MCPH1: variants seen among roughly 807,000 people sequenced by gnomAD.
MCPH1 encodes microcephalin 1, also known as microcephalin.
Under a neutral mutation model 84.5 loss-of-function variants are expected in MCPH1, and 104 were observed. The ratio of observed to expected loss-of-function variants is 1.23; its 90% CI spans 1.05 to 1.45. The LOEUF is 1.45. MCPH1 is among the 40% of genes most tolerant of loss of function. MCPH1 has a pLI of 0.00. For missense variants in MCPH1, 1,498 were observed against 1,005.7 expected (o/e 1.49, Z -6.62); for synonymous variants, 514 against 366.8 (o/e 1.40, Z -4.58).
chr8:6,640,729 TG>T (rs1438577751), intron 13 of MCPH1, among the ~76,000 whole-genome samples: 2 of 152,252 alleles, frequency 1.3e-5, no homozygotes, highest in Non-Finnish European at 2.9e-5. Context: ...CCTACCCTTG[TG>T]GTTTTGCTTA....
intron 12 of MCPH1, among the ~76,000 whole-genome samples, chr8:6,557,742 G>T (rs1337241570): frequency 6.6e-6 from 1 of 151,560 alleles, no homozygotes; most frequent in African/African-American, 2.4e-5. Context: ...GAGATAGAAT[G>T]GTTTGCCTGC....
At chr8:6,626,014 T>C (rs1376451256) in intron 13 of MCPH1, 1 of 985,254 alleles carries the variant, frequency 1.0e-6, no homozygotes, top group African/African-American at 1.7e-5. Flanking sequence ...GCTCTTCCCC[T>C]GGGACTGCAG....
intron 3 of MCPH1, among the ~76,000 whole-genome samples, chr8:6,430,494 CACTT>C (rs1390086360): frequency 6.6e-6 from 1 of 152,242 alleles, no homozygotes; most frequent in African/African-American, 2.4e-5. Flanking sequence ...ACCCTAGTGT[CACTT>C]ACCACATTGC....
intron 8 of MCPH1, chr8:6,447,504 A>G (rs1804572982): frequency 2.6e-6 from 2 of 758,688 alleles, no homozygotes; most frequent in African/African-American, 1.9e-5. Context: ...CAATACGCTG[A>G]TAGAACGGGA....
intron 12 of MCPH1, chr8:6,521,264 G>C: frequency 6.2e-7 from 1 of 1,613,880 alleles, no homozygotes; most frequent in Non-Finnish European, 8.5e-7. Context: ...ATTATTCACC[G>C]TGGCAGTCAC....
At chr8:6,418,413 G>C (rs1799626740) in intron 3 of MCPH1, among the ~76,000 whole-genome samples, 1 of 151,762 alleles carries the variant, frequency 6.6e-6, no homozygotes, top group Non-Finnish European at 1.5e-5. Context: ...TATTTTTCCT[G>C]TATTTCCAGG....
rs375073902 is a variant in MCPH1 at position 6,620,263 on chromosome 8, C to CCATGAG, written c.2215-1187_2215-1182dup. 203 of 152,304 alleles carry CCATGAG rather than the reference C, an allele frequency of 1.3e-3. 1 individual carries two copies. The highest frequency in any genetic ancestry group is 4.7e-3 in the African/African-American group (194 of 41,564). 9.4% of individuals were successfully genotyped at this position (152,304 alleles called of 1,614,324 possible). ...CACAAGGGGAGAGAACAAGCAAATT[C>CCATGAG]CATGAGCATATATAAGTGTATCGGA... On this transcript the variant is annotated intron_variant, in intron 12 of 13. Coordinates refer to ENST00000344683, the MANE Select transcript of MCPH1 (RefSeq NM_024596.5).
chr8:6,491,287 A>G (rs181566225), intron 11 of MCPH1, among the ~76,000 whole-genome samples: 1 of 151,484 alleles, frequency 6.6e-6, no homozygotes, highest in African/African-American at 2.4e-5. Context: ...TTGGTGAATA[A>G]TTTACACAAT....
At chr8:6,409,976 AT>A (rs34420641) in intron 2 of MCPH1, among the ~76,000 whole-genome samples, 58 of 147,410 alleles carry the variant, frequency 3.9e-4, no homozygotes, top group African/African-American at 6.5e-4. Context: ...GTAGGGAGTA[AT>A]TTTTTTTTTT....
intron 12 of MCPH1, among the ~76,000 whole-genome samples, chr8:6,519,698 G>C (rs1405197403): frequency 6.6e-6 from 1 of 152,218 alleles, no homozygotes; most frequent in Non-Finnish European, 1.5e-5. Flanking sequence ...GGCACTTAGA[G>C]CCCTTGGCAA....
In MCPH1 at chr8:6,643,863, C is replaced by T. The variant is rs1446487847; in HGVS notation, c.*814C>T. 1 of 152,184 alleles carries T rather than the reference C, an allele frequency of 6.6e-6. No individual in the cohort carries two copies. Among genetic ancestry groups the T allele is most frequent in the Non-Finnish European group, 1.5e-5 (1 of 68,058 alleles). 9.4% of individuals were successfully genotyped at this position (152,184 alleles called of 1,614,324 possible). A position where few individuals can be genotyped will look rare whatever the true frequency, so the allele number is the denominator to read the frequency against. The stretch of plus-strand genomic sequence containing the variant: ...TTCTGCAAGCCTGCTTTATGGTGAG[C>T]AAAGCATCACCAGCAAGTGATCACA... On this transcript the variant is annotated 3_prime_UTR_variant, in exon 14 of 14. Coordinates refer to ENST00000344683, the MANE Select transcript of MCPH1 (RefSeq NM_024596.5).
At chr8:6,477,454 T>G in intron 9 of MCPH1, 140 bp from the exon 10 acceptor site, 1 of 725,168 alleles carries the variant, frequency 1.4e-6, no homozygotes, top group South Asian at 1.8e-5. Context: ...ATATAAAGGT[T>G]TTTTTTCTTT....
chr8:6,624,061 C>T (rs993113032), intron 13 of MCPH1, among the ~76,000 whole-genome samples: 1 of 152,252 alleles, frequency 6.6e-6, no homozygotes, highest in African/African-American at 2.4e-5. Flanking sequence ...GTGGGTCCTG[C>T]GTCCTTGTGT....
At chr8:6,571,280 G>A (rs780282633) in intron 12 of MCPH1, among the ~76,000 whole-genome samples, 2 of 152,020 alleles carry the variant, frequency 1.3e-5, no homozygotes, top group Non-Finnish European at 2.9e-5. Context: ...TTTTTTCAAT[G>A]GATTGATGTC....
intron 3 of MCPH1, among the ~76,000 whole-genome samples, chr8:6,430,663 C>T (rs746976573): frequency 1.3e-4 from 20 of 152,004 alleles, no homozygotes; most frequent in African/African-American, 1.2e-4. Flanking sequence ...AGATGTTGAA[C>T]GGTGATAGGC....
At chr8:6,627,051 C>T (rs1586862939) in intron 13 of MCPH1, 1 of 984,906 alleles carries the variant, frequency 1.0e-6, no homozygotes, top group Non-Finnish European at 1.2e-6. Context: ...TTGGTTTGAA[C>T]ATGTCCCATG....
chr8:6,553,092 G>A (rs768259695), intron 12 of MCPH1, among the ~76,000 whole-genome samples: 11 of 151,996 alleles, frequency 7.2e-5, no homozygotes, highest in African/African-American at 2.7e-4. Context: ...TGTCAACTGC[G>A]GGCTCTGGGT....
intron 12 of MCPH1, among the ~76,000 whole-genome samples, chr8:6,541,419 G>A (rs772550769): frequency 3.3e-5 from 5 of 152,060 alleles, no homozygotes; most frequent in Admixed American, 6.5e-5. Context: ...GGAGAGGAGA[G>A]GAAAAGCAGT....
intron 1 of MCPH1, among the ~76,000 whole-genome samples, 162 bp from the exon 2 acceptor site, chr8:6,409,117 C>T (rs1318765759): frequency 3.9e-5 from 6 of 152,158 alleles, no homozygotes; most frequent in Non-Finnish European, 7.3e-5. Flanking sequence ...AAACCCCTGA[C>T]TTCGTGGATC....
Sources: allele counts gnomAD v4.1 joint callset (sites outside exome capture counted in the v4.1 genomes callset), GRCh38; gene constraint gnomAD v4.1.1; transcripts MANE v1.5; gene names NCBI Gene and HGNC (gene_info 2026-07-23, HGNC 2026-07-21).